Variants in SAFB observed in about 807,000 individuals in gnomAD.
The protein encoded by SAFB is scaffold attachment factor B1.
In SAFB, 15 loss-of-function variants were observed where a neutral mutation model predicts 101.6. The observed-to-expected ratio is 0.15, with a 90% CI of 0.10 to 0.23. SAFB has a LOEUF of 0.23. Among genes scored for constraint, SAFB ranks in the 10% least tolerant of loss-of-function variants. The pLI, the probability that SAFB is intolerant of heterozygous loss-of-function variation, is 1.00. For missense variants in SAFB, 930 were observed against 1,104.1 expected (o/e 0.84, Z 2.23); for synonymous variants, 449 against 407.5 (o/e 1.10, Z -1.23).
intron 2 of SAFB, among the ~76,000 whole-genome samples, chr19:5,636,021 T>C (rs1443963037): frequency 2.0e-5 from 3 of 152,104 alleles, no homozygotes; most frequent in Non-Finnish European, 4.4e-5. Flanking sequence ...GGATGTGCTT[T>C]ATACGTTGAA....
chr19:5,652,969 G>A lies in SAFB; in HGVS notation c.1294-146G>A, dbSNP rs549691013. On this transcript the variant is annotated intron_variant, in intron 9 of 20. Coordinates refer to ENST00000588852, the MANE Select transcript of SAFB (RefSeq NM_001201338.2). ...CAGAGGTCCTTGGAGGAACAACAGC[G>A]AAACAGAAGCATTAGTAGCATTGTC... is the stretch of plus-strand genomic sequence containing the variant. The A allele has an allele frequency of 1.4e-4, 110 of 783,290 alleles. 1 individual carries two copies. The Admixed American group carries it at 2.7e-3, about 19-fold the overall frequency. The allele number at this position is 783,290 out of a possible 1,614,324, so 48.5% of individuals were successfully genotyped here.
intron 1 of SAFB, among the ~76,000 whole-genome samples, chr19:5,625,553 C>T (rs1177667494): frequency 6.6e-6 from 1 of 152,168 alleles, no homozygotes; most frequent in Non-Finnish European, 1.5e-5. Flanking sequence ...AAAACTTGTG[C>T]TCATGGGACT....
intron 2 of SAFB, among the ~76,000 whole-genome samples, chr19:5,629,839 A>G (rs1335034345): frequency 1.3e-5 from 2 of 152,234 alleles, no homozygotes; most frequent in East Asian, 3.9e-4. Flanking sequence ...GGGCGGATCA[A>G]AAGATCAGCC....
At chr19:5,625,452 G>T (rs1201447017) in intron 1 of SAFB, among the ~76,000 whole-genome samples, 1 of 152,160 alleles carries the variant, frequency 6.6e-6, no homozygotes, top group Non-Finnish European at 1.5e-5. Flanking sequence ...GGAACCCCCA[G>T]GCCCTATCTC....
intron 1 of SAFB, chr19:5,624,113 G>A (rs1220525539): frequency 6.6e-6 from 1 of 151,788 alleles, no homozygotes; most frequent in African/African-American, 2.4e-5. Context: ...GCAGAGCCTG[G>A]GCTCCCCCAG....
intron 17 of SAFB, chr19:5,664,882 T>G (rs1241600207): frequency 2.6e-5 from 5 of 191,996 alleles, no homozygotes; most frequent in Non-Finnish European, 5.4e-5. Flanking sequence ...AGCTTAGCCT[T>G]GGAAAACAAC....
intron 2 of SAFB, among the ~76,000 whole-genome samples, chr19:5,636,874 A>G: frequency 6.6e-6 from 1 of 151,394 alleles, no homozygotes; most frequent in African/African-American, 2.4e-5. Context: ...ACACCTGGCT[A>G]ATTTTTATAT....
chr19:5,650,065 C>A, intron 8 of SAFB, 90 bp downstream of exon 8: 1 of 1,010,220 alleles, frequency 9.9e-7, no homozygotes, highest in Non-Finnish European at 1.6e-6. Context: ...GTGCTATGCT[C>A]CTTACCCAGG....
chr19:5,661,535 G>T lies in SAFB; in HGVS notation c.1880G>T (p.Ser627Ile). ...SESHSRVRER[S>I]EREQRMQAQW... is the part of the protein sequence containing the mutation. ...TTGTGCAGCAGGGTGCGTGAACGCAGTGAACGCGAACAACGCATGCAGGCG... is the reference window on the plus strand; with the variant it reads ...TTGTGCAGCAGGGTGCGTGAACGCATTGAACGCGAACAACGCATGCAGGCG... Residue 627 changes from serine (S) to isoleucine (I), a missense_variant, in exon 15 of 21, where the codon AGT (serine) becomes ATT (isoleucine). Coordinates refer to ENST00000588852, the MANE Select transcript of SAFB (RefSeq NM_001201338.2). 1 of 1,612,876 alleles carries T rather than the reference G, an allele frequency of 6.2e-7. No individual in the cohort carries two copies. The highest frequency in any genetic ancestry group is 1.7e-5 in the Admixed American group (1 of 60,006).
At chr19:5,656,834 G>A (rs1042436314) in intron 13 of SAFB, among the ~76,000 whole-genome samples, 13 of 151,814 alleles carry the variant, frequency 8.6e-5, no homozygotes, top group Admixed American at 3.3e-4. Flanking sequence ...CGAGTGGCTC[G>A]ATCTTGGCTC....
intron 2 of SAFB, among the ~76,000 whole-genome samples, chr19:5,641,325 G>A (rs1275352859): frequency 6.6e-6 from 1 of 152,136 alleles, no homozygotes; most frequent in Non-Finnish European, 1.5e-5. Context: ...GCAGAGCTGA[G>A]GACAGGTCTG....
chr19:5,645,054 C>A (rs1382416536), intron 4 of SAFB, among the ~76,000 whole-genome samples: 4 of 152,214 alleles, frequency 2.6e-5, no homozygotes, highest in Non-Finnish European at 5.9e-5. Flanking sequence ...ATTTTCATCT[C>A]TTTTCTGTTT....
chr19:5,656,922 C>T (rs1481649920), intron 13 of SAFB, among the ~76,000 whole-genome samples: 1 of 152,076 alleles, frequency 6.6e-6, no homozygotes, highest in Non-Finnish European at 1.5e-5. Flanking sequence ...AAGCTCCCAC[C>T]ACTATGCCCG....
chr19:5,661,756 C>T lies in SAFB; in HGVS notation c.2101C>T (p.Arg701Cys), dbSNP rs1282499665. 6.3e-6 allele frequency: 10 copies of T among 1,584,300 alleles called. No individual in the cohort carries two copies. Among genetic ancestry groups the T allele is most frequent in the East Asian group, 2.3e-5 (1 of 43,690 alleles). The stretch of plus-strand genomic sequence containing the variant: ...GGAGCTGAGGCGCCAGCAGGAACTG[C>T]GCTATGAGCAGGAGCGGCGGCCCGC... ...REELRRQQEL[R>C]YEQERRPAVR... Residue 701 changes from arginine to cysteine, a missense_variant, in exon 15 of 21, where the codon CGC (arginine) becomes TGC (cysteine). Physicochemically the swap from Arg to Cys is radical, Grantham distance 180. Around this residue, in one of 7 missense-constraint regions of SAFB, gnomAD observed 318 missense variants for 342.6 expected, o/e 0.93. Coordinates refer to ENST00000588852, the MANE Select transcript of SAFB (RefSeq NM_001201338.2).
rs1310885333 is a variant in SAFB, at chr19:5,667,070, C to T, written c.2359C>T (p.Pro787Ser). The T allele has an allele frequency of 1.9e-6, 3 of 1,611,582 alleles. No homozygotes were observed. The East Asian group carries it at 6.7e-5, about 36-fold the overall frequency. ...GQHYPERHGG[P>S]ERHGRDSRDG... Reference sequence around the variant, plus strand: ...GCATTACCCAGAACGCCATGGAGGACCAGAGCGCCACGGCCGGGACTCCCG... The same window carrying T: ...GCATTACCCAGAACGCCATGGAGGATCAGAGCGCCACGGCCGGGACTCCCG... The change falls in exon 18 of 21, where the codon CCA becomes TCA. Residue 787 changes from proline to serine, a missense_variant. Physicochemically the swap from Pro to Ser is moderately conservative, Grantham distance 74. Around this residue, in one of 7 missense-constraint regions of SAFB, gnomAD observed 318 missense variants for 342.6 expected, o/e 0.93. Coordinates refer to ENST00000588852, the MANE Select transcript of SAFB (RefSeq NM_001201338.2). The surrounding 1 kb of genome is among the most constrained non-coding windows in gnomAD (Gnocchi z 4.0).
At position 5,657,670 on chromosome 19, in the gene SAFB, G is replaced by A. The variant is rs1019452573; in HGVS notation, c.1862+323G>A. On this transcript the variant is annotated intron_variant, in intron 14 of 20. Transcript: ENST00000588852. ...CTCCTGAGTAGCTGGGACTATAGGC[G>A]TGCGCCACCACACCTGGCTAATTTT... 5.3e-5 allele frequency among the ~76,000 whole-genome samples: 8 copies of A among 151,948 alleles called. No individual in the cohort carries two copies. In the South Asian group the frequency reaches 1.0e-3, roughly 20 times the overall value.
At chr19:5,641,319 A>G (rs2053708218) in intron 2 of SAFB, among the ~76,000 whole-genome samples, 2 of 152,166 alleles carry the variant, frequency 1.3e-5, no homozygotes, top group African/African-American at 2.4e-5. Flanking sequence ...AGAAGGGCAG[A>G]GCTGAGGACA....
intron 1 of SAFB, among the ~76,000 whole-genome samples, chr19:5,626,157 A>G (rs2053354588): frequency 6.6e-6 from 1 of 152,166 alleles, no homozygotes; most frequent in Non-Finnish European, 1.5e-5. Flanking sequence ...CATGTTCCAG[A>G]GGAAGAAGCA....
intron 17 of SAFB, 174 bp from the exon 18 acceptor site, chr19:5,666,872 C>A: frequency 1.4e-6 from 1 of 709,790 alleles, no homozygotes; most frequent in South Asian, 1.6e-5. Context: ...GGGCACAGGG[C>A]CTCTGGCCTG....
Sources: allele counts gnomAD v4.1 joint callset (sites outside exome capture counted in the v4.1 genomes callset), GRCh38; gene constraint gnomAD v4.1.1; regional missense constraint gnomAD v4.1.1; non-coding constraint Gnocchi (gnomAD v3.1); transcripts MANE v1.5; gene names NCBI Gene and HGNC (gene_info 2026-07-23, HGNC 2026-07-21).